Variants in TJP1 observed in about 807,000 individuals in gnomAD.
TJP1 encodes the protein tight junction protein 1.
TJP1 carries 43 observed loss-of-function variants against 194.2 expected under a neutral mutation model. The ratio of observed to expected loss-of-function variants is 0.22; its 90% CI spans 0.17 to 0.29. The LOEUF (loss-of-function observed/expected upper bound fraction) is 0.29, where lower values mean the gene tolerates loss of function less well. Among genes scored for constraint, TJP1 ranks in the 10% least tolerant of loss-of-function variants. The pLI is 1.00. For missense variants in TJP1, 1,971 were observed against 2,185.7 expected (o/e 0.90, Z 1.96); for synonymous variants, 801 against 779.0 (o/e 1.03, Z -0.47).
intron 2 of TJP1, among the ~76,000 whole-genome samples, chr15:29,950,821 C>T (rs2055721846): frequency 6.6e-6 from 1 of 152,158 alleles, no homozygotes; most frequent in Non-Finnish European, 1.5e-5. Context: ...AAACAGGTCC[C>T]TGAGGCCTCT....
At chr15:29,861,317 T>C (rs2052072330) in intron 2 of TJP1, among the ~76,000 whole-genome samples, 1 of 152,188 alleles carries the variant, frequency 6.6e-6, no homozygotes, top group African/African-American at 2.4e-5. Context: ...TTACTATTGC[T>C]CTTCTTTTTG....
intron 2 of TJP1, among the ~76,000 whole-genome samples, chr15:29,844,821 T>C (rs1003053947): frequency 2.0e-5 from 3 of 152,036 alleles, no homozygotes; most frequent in African/African-American, 7.2e-5. Flanking sequence ...CAAATAATCA[T>C]CAATTTAAGA....
chr15:29,964,497 C>T (rs919153408), intron 1 of TJP1, among the ~76,000 whole-genome samples: 1 of 152,092 alleles, frequency 6.6e-6, no homozygotes, highest in African/African-American at 2.4e-5. Context: ...TGGATTGATG[C>T]AGCCACAAAG....
intron 2 of TJP1, among the ~76,000 whole-genome samples, chr15:29,797,358 C>T (rs992284798): frequency 6.6e-6 from 1 of 152,108 alleles, no homozygotes; most frequent in African/African-American, 2.4e-5. Context: ...CCATGTTGGC[C>T]AGGCTGGTCT....
chr15:29,726,320 T>C, intron 18 of TJP1, 59 bp downstream of exon 18: 4 of 1,390,562 alleles, frequency 2.9e-6, no homozygotes, highest in South Asian at 1.2e-5. Flanking sequence ...CTCAAAAGCA[T>C]CTCTGATTAG....
chr15:29,953,006 A>G (rs1333133854), intron 2 of TJP1, among the ~76,000 whole-genome samples: 1 of 152,174 alleles, frequency 6.6e-6, no homozygotes, highest in Admixed American at 6.5e-5. Flanking sequence ...TTGGTTCTAC[A>G]TGATTATATT....
At chr15:29,924,413 T>C (rs376419830) in intron 2 of TJP1, among the ~76,000 whole-genome samples, 1 of 152,100 alleles carries the variant, frequency 6.6e-6, no homozygotes. Context: ...AATCTAAATG[T>C]TTAACAGTAG....
chr15:29,786,707 G>C (rs1377567290), intron 2 of TJP1, among the ~76,000 whole-genome samples: 1 of 152,046 alleles, frequency 6.6e-6, no homozygotes, highest in East Asian at 1.9e-4. Context: ...TCACTATGTT[G>C]CCTCCACTGG....
intron 16 of TJP1, among the ~76,000 whole-genome samples, chr15:29,727,359 T>A (rs983579889): frequency 6.6e-6 from 1 of 151,880 alleles, no homozygotes; most frequent in Non-Finnish European, 1.5e-5. Flanking sequence ...CAAAAACAAA[T>A]ACAAACCAAA....
Position 29,718,531 on chromosome 15 carries a change from G to A in TJP1, c.3611C>T (p.Pro1204Leu), listed in dbSNP as rs979558103. 9 of 1,614,024 alleles carry A rather than the reference G, an allele frequency of 5.6e-6. No individual in the cohort carries two copies. In the African/African-American group the frequency reaches 6.7e-5, roughly 12 times the overall value. Residue 1204 changes from proline (P) to leucine (L), a missense_variant, in exon 21 of 28, where the codon CCC becomes CTC. Transcript: ENST00000614355. ...ACCTGCTCTAGAGGTAAATCCTTGG[G>A]GTGGTACTTGCTCGTAACTGCGTGA... is the stretch of plus-strand genomic sequence containing the variant. ...QYSRSYEQVP[P>L]QGFTSRAGHF...
At chr15:29,893,873 C>T (rs1253352833) in intron 2 of TJP1, among the ~76,000 whole-genome samples, 1 of 152,104 alleles carries the variant, frequency 6.6e-6, no homozygotes, top group East Asian at 1.9e-4. Context: ...AACAAAACTT[C>T]TGAAGTAATA....
At chr15:29,918,853 T>C (rs2054268847) in intron 2 of TJP1, among the ~76,000 whole-genome samples, 1 of 152,048 alleles carries the variant, frequency 6.6e-6, no homozygotes, top group South Asian at 2.1e-4. Context: ...AAGATAATAA[T>C]CAATGAAGAT....
At chr15:29,884,514 G>A (rs916127570) in intron 2 of TJP1, among the ~76,000 whole-genome samples, 8 of 152,130 alleles carry the variant, frequency 5.3e-5, no homozygotes, top group African/African-American at 1.7e-4. Flanking sequence ...GAGTAGCAGA[G>A]GTAGGCAGAA....
At chr15:29,795,617 T>C (rs755285449) in intron 2 of TJP1, among the ~76,000 whole-genome samples, 25 of 152,108 alleles carry the variant, frequency 1.6e-4, no homozygotes, top group Admixed American at 8.5e-4. Flanking sequence ...ATAAAATCAA[T>C]TGTACATGAA....
chr15:29,947,599 C>T (rs1417354265), intron 2 of TJP1, among the ~76,000 whole-genome samples: 3 of 152,172 alleles, frequency 2.0e-5, no homozygotes, highest in Admixed American at 6.5e-5. Context: ...GCCACCAAAA[C>T]TCCCCATTTT....
intron 2 of TJP1, among the ~76,000 whole-genome samples, chr15:29,881,077 T>G (rs1237384910): frequency 6.6e-6 from 1 of 152,168 alleles, no homozygotes; most frequent in East Asian, 1.9e-4. Flanking sequence ...AGGGCTCCCT[T>G]TTCTCCTCCA....
At chr15:29,788,641 T>TGG (rs1425797133) in intron 2 of TJP1, among the ~76,000 whole-genome samples, 1 of 152,206 alleles carries the variant, frequency 6.6e-6, no homozygotes, top group Non-Finnish European at 1.5e-5. Context: ...AAACACTCAC[T>TGG]GGCTCACCCT....
At chr15:29,824,375 G>A (rs745826487), upstream of TJP1, among the ~76,000 whole-genome samples, 5 of 151,822 alleles carry the variant, frequency 3.3e-5, no homozygotes, top group Non-Finnish European at 7.4e-5. Context: ...CCCGAGAGGC[G>A]GAGGTTGCAA....
chr15:29,920,883 A>G (rs1242864640), intron 2 of TJP1, among the ~76,000 whole-genome samples: 1 of 152,078 alleles, frequency 6.6e-6, no homozygotes, highest in Non-Finnish European at 1.5e-5. Flanking sequence ...GTTTAAAAAT[A>G]CCCCCACATT....
Sources: gnomAD v4.1 joint callset for allele counts (sites outside exome capture counted in the v4.1 genomes callset) on GRCh38, gnomAD v4.1.1 for gene constraint, MANE v1.5 for transcripts, NCBI Gene and HGNC (gene_info 2026-07-23, HGNC 2026-07-21) for gene names.